The following NPAS3 variants were observed in gnomAD, a reference collection of about 807,000 sequenced individuals.
NPAS3 encodes the protein neuronal PAS domain protein 3, also known as neuronal PAS domain-containing protein 3.
Under a neutral mutation model 73.1 loss-of-function variants are expected in NPAS3, and 14 were observed. The ratio of observed to expected loss-of-function variants is 0.19; its 90% CI spans 0.13 to 0.30. The LOEUF is 0.30. NPAS3 is among the 10% of genes least tolerant of loss of function. The probability of loss-of-function intolerance (pLI) is 1.00; values close to 1 mark genes in which losing one functional copy is unlikely to be tolerated. For synonymous variants in NPAS3, 620 were observed against 541.5 expected, an observed-to-expected ratio of 1.14 and a Z score of -2.01; for missense variants, 1,096 against 1,250.0, an observed-to-expected ratio of 0.88 and a Z score of 1.86.
intron 4 of NPAS3, among the ~76,000 whole-genome samples, chr14:33,527,792 T>C (rs2053867566): frequency 1.3e-5 from 2 of 152,144 alleles, no homozygotes; most frequent in East Asian, 3.9e-4. Context: ...AGTGGGCAAG[T>C]GCTGGGGGCT....
chr14:33,398,133 A>T (rs1415889977), intron 4 of NPAS3, among the ~76,000 whole-genome samples: 4 of 151,978 alleles, frequency 2.6e-5, no homozygotes, highest in African/African-American at 9.7e-5. Flanking sequence ...TCTTAGAGAG[A>T]AGGTTTTTCC....
chr14:33,429,742 T>G (rs950738873), intron 4 of NPAS3, among the ~76,000 whole-genome samples: 6 of 152,114 alleles, frequency 3.9e-5, no homozygotes, highest in African/African-American at 1.4e-4. Flanking sequence ...AAGAATGAGC[T>G]TTAAGAAACA....
At chr14:33,066,356 A>G (rs2041279067) in intron 2 of NPAS3, among the ~76,000 whole-genome samples, 1 of 152,232 alleles carries the variant, frequency 6.6e-6, no homozygotes, top group African/African-American at 2.4e-5. Flanking sequence ...TTCATCTGAT[A>G]GCAAGATTGT....
chr14:32,938,470 A>G (rs2139013933), upstream of NPAS3, among the ~76,000 whole-genome samples: 1 of 129,394 alleles, frequency 7.7e-6, no homozygotes, highest in East Asian at 2.3e-4. Context: ...AGAGAGAGAG[A>G]GAGAGAGAGA....
chr14:33,783,597 G>T (rs1311455857), intron 9 of NPAS3, among the ~76,000 whole-genome samples: 3 of 138,554 alleles, frequency 2.2e-5, no homozygotes, highest in Admixed American at 7.3e-5. Flanking sequence ...TGGGGGGGTG[G>T]TGTGGGGGGG....
At chr14:33,794,772 C>A (rs1436052536) in intron 10 of NPAS3, among the ~76,000 whole-genome samples, 1 of 152,112 alleles carries the variant, frequency 6.6e-6, no homozygotes, top group Non-Finnish European at 1.5e-5. Flanking sequence ...TACATTCTGC[C>A]TTTGGATTCA....
Position 33,218,664 on chromosome 14 carries a change from T to C in NPAS3, c.385+3238T>C, listed in dbSNP as rs181241961. 3.3e-5 allele frequency among the ~76,000 whole-genome samples: 5 copies of C among 152,338 alleles called. No homozygotes were observed. The East Asian group carries it at 9.7e-4, about 29-fold the overall frequency. On this transcript the variant is annotated intron_variant, in intron 3 of 11. Coordinates refer to ENST00000356141, the Ensembl canonical transcript of NPAS3. ...ACCTAAAGGCATTTGGCAATTCGTA[T>C]GAAATGTACTTACATTGTGGTGGCA...
chr14:33,342,070 T>A (rs1270017777), intron 3 of NPAS3, among the ~76,000 whole-genome samples: 2 of 152,230 alleles, frequency 1.3e-5, no homozygotes, highest in African/African-American at 4.8e-5. Flanking sequence ...TCACTTTCAG[T>A]GTCTTCCACG....
intron 2 of NPAS3, among the ~76,000 whole-genome samples, chr14:33,123,981 C>T (rs531956370): frequency 1.3e-5 from 2 of 151,594 alleles, no homozygotes; most frequent in East Asian, 3.9e-4. Context: ...GTGCCTCAGC[C>T]TCCTGAGTAG....
At chr14:33,005,934 T>TA (rs1169874895) in intron 1 of NPAS3, among the ~76,000 whole-genome samples, 8 of 152,288 alleles carry the variant, frequency 5.3e-5, no homozygotes, top group Admixed American at 1.3e-4. Flanking sequence ...ACTCTGCCCC[T>TA]AACACTTAAC....
intron 4 of NPAS3, among the ~76,000 whole-genome samples, chr14:33,546,819 G>T (rs1281667848): frequency 6.6e-6 from 1 of 152,194 alleles, no homozygotes; most frequent in Non-Finnish European, 1.5e-5. Context: ...TGAGATTAAT[G>T]CTAGTCACTA....
intron 3 of NPAS3, among the ~76,000 whole-genome samples, chr14:33,259,313 A>C (rs1843125295): frequency 6.6e-6 from 1 of 152,070 alleles, no homozygotes; most frequent in African/African-American, 2.4e-5. Flanking sequence ...TCTGTAGAAG[A>C]CTACAACAAA....
rs77097426 is a variant in NPAS3 at position 33,334,529 on chromosome 14, G to T, written c.386-32657G>T. 5.4e-3 allele frequency among the ~76,000 whole-genome samples: 819 copies of T among 152,172 alleles called. 5 individuals are homozygous for T. The highest frequency in any genetic ancestry group is 7.4e-3 in the Non-Finnish European group (504 of 67,986). ...TTTTACTTAGCGTAGTGTTGTGGGG[G>T]TTAATTCAAGTTATTTTATATGTCT... On this transcript the variant is annotated intron_variant, in intron 3 of 11. Coordinates refer to ENST00000356141, the Ensembl canonical transcript of NPAS3.
At chr14:33,569,860 C>A (rs907311740) in intron 5 of NPAS3, among the ~76,000 whole-genome samples, 2 of 152,150 alleles carry the variant, frequency 1.3e-5, no homozygotes, top group Admixed American at 1.3e-4. Flanking sequence ...AGGGGAGACG[C>A]AGAAATATTT....
intron 1 of NPAS3, among the ~76,000 whole-genome samples, chr14:32,968,695 G>T (rs1358182351): frequency 1.3e-5 from 2 of 152,086 alleles, no homozygotes; most frequent in African/African-American, 4.8e-5. Context: ...TGGAGTGCTT[G>T]CCTGGGTGGT....
chr14:33,713,320 A>G (rs1342201459), intron 6 of NPAS3, among the ~76,000 whole-genome samples: 1 of 152,238 alleles, frequency 6.6e-6, no homozygotes, highest in African/African-American at 2.4e-5. Flanking sequence ...TATGAGTCTC[A>G]TCCTCAGCCT....
At chr14:33,148,308 T>A (rs953537333) in intron 2 of NPAS3, among the ~76,000 whole-genome samples, 1 of 152,170 alleles carries the variant, frequency 6.6e-6, no homozygotes, top group Non-Finnish European at 1.5e-5. Flanking sequence ...GAACAATGAG[T>A]ATATAAAAAT....
intron 3 of NPAS3, among the ~76,000 whole-genome samples, chr14:33,338,973 G>A (rs752492510): frequency 6.6e-6 from 1 of 152,068 alleles, no homozygotes; most frequent in African/African-American, 2.4e-5. Flanking sequence ...ATTATTGCAA[G>A]CATCTTCAAG....
chr14:33,221,630 G>T (rs1448149707), intron 3 of NPAS3, among the ~76,000 whole-genome samples: 1 of 152,074 alleles, frequency 6.6e-6, no homozygotes, highest in East Asian at 1.9e-4. Flanking sequence ...TTTTTAAAAG[G>T]AGAAGTAGAA....
Sources: gnomAD v4.1 joint callset for allele counts (sites outside exome capture counted in the v4.1 genomes callset) on GRCh38, gnomAD v4.1.1 for gene constraint, MANE v1.5 for transcripts, NCBI Gene and HGNC (gene_info 2026-07-23, HGNC 2026-07-21) for gene names.